The following PLCG2 variants were observed in gnomAD, a reference collection of about 807,000 sequenced individuals.
PLCG2 encodes the protein 1-phosphatidylinositol 4,5-bisphosphate phosphodiesterase gamma-2.
Under a neutral mutation model 175.6 loss-of-function variants are expected in PLCG2, and 69 were observed. The observed-to-expected ratio is 0.39, with a 90% CI of 0.32 to 0.48. PLCG2 has a LOEUF of 0.48. Ranked by LOEUF, PLCG2 falls within the 20% of genes least tolerant of loss-of-function variation. PLCG2 has a pLI of 0.91. For synonymous variants in PLCG2, 827 were observed against 624.0 expected, an observed-to-expected ratio of 1.33 and a Z score of -4.85; for missense variants, 1,798 against 1,650.9, an observed-to-expected ratio of 1.09 and a Z score of -1.54.
chr16:81,923,527 C>A lies in PLCG2; in HGVS notation c.2350C>A (p.Arg784=). ...VKALYDYKAK[R]SDELSFCRGA... ...AGCTCTGTATGACTACAAAGCCAAG[C>A]GAAGCGATGAGCTGAGCTTCTGCCG... The change falls in exon 22 of 33, where the codon CGA becomes AGA. Residue 784 remains arginine (R), a synonymous_variant. Transcript: ENST00000564138. 6.2e-7 allele frequency: 1 copy of A among 1,613,702 alleles called. No homozygotes were observed. Among genetic ancestry groups the A allele is most frequent in the African/African-American group, 1.3e-5 (1 of 75,024 alleles).
At chr16:81,950,789 T>C (rs961007791) in intron 31 of PLCG2, among the ~76,000 whole-genome samples, 1 of 152,324 alleles carries the variant, frequency 6.6e-6, no homozygotes, top group East Asian at 1.9e-4. Context: ...ATTTATGCCA[T>C]AGTTACATTT....
At chr16:81,740,723 TCAAAAAAAAAAAAAA>T (rs1567690151) in intron 1 of PLCG2, 1 of 12,848 alleles carries the variant, frequency 7.8e-5, no homozygotes, top group Admixed American at 1.4e-3. Flanking sequence ...AGACTCCATC[TCAAAAAAAAAAAAAA>T]AAAAAAAAAA....
At chr16:81,762,746 C>T (rs1597306073) in intron 2 of PLCG2, among the ~76,000 whole-genome samples, 1 of 152,112 alleles carries the variant, frequency 6.6e-6, no homozygotes, top group Admixed American at 6.6e-5. Flanking sequence ...CCCCCAAGTC[C>T]CCAAGGCTGG....
At position 81,870,790 on chromosome 16, in the gene PLCG2, GC is replaced by G; in HGVS notation, c.565-61del. ...TGAAACAAAAATTATTCTATAAATA[GC>G]ATGGAGCCATTCTTACGGTGGACAT... is the stretch of plus-strand genomic sequence containing the variant. On this transcript the variant is annotated intron_variant, in intron 6 of 32. Transcript: ENST00000564138. 5.9e-6 allele frequency: 5 copies of G among 852,554 alleles called. 1 individual carries two copies. The South Asian group carries it at 7.7e-5, about 13-fold the overall frequency. 52.8% of individuals were successfully genotyped at this position (852,554 alleles called of 1,614,324 possible). A position where few individuals can be genotyped will look rare whatever the true frequency, so the allele number is the denominator to read the frequency against.
intron 2 of PLCG2, among the ~76,000 whole-genome samples, chr16:81,845,650 GC>G (rs1172514014): frequency 6.6e-6 from 1 of 152,218 alleles, no homozygotes; most frequent in South Asian, 2.1e-4. Flanking sequence ...CAGAAAGGTG[GC>G]TTGAATGCAC....
At chr16:81,796,143 A>C (rs9940772) in intron 2 of PLCG2, among the ~76,000 whole-genome samples, 1 of 152,092 alleles carries the variant, frequency 6.6e-6, no homozygotes, top group Non-Finnish European at 1.5e-5. Context: ...GTGGTGAGCC[A>C]CTGGCACTGA....
intron 2 of PLCG2, among the ~76,000 whole-genome samples, chr16:81,794,340 C>T (rs1176801525): frequency 3.3e-5 from 5 of 152,152 alleles, no homozygotes; most frequent in African/African-American, 9.7e-5. Context: ...TGTGAAATTA[C>T]TATTAATAAT....
intron 1 of PLCG2, among the ~76,000 whole-genome samples, chr16:81,743,655 T>C (rs1378978733): frequency 1.3e-5 from 2 of 152,134 alleles, no homozygotes; most frequent in African/African-American, 2.4e-5. Context: ...CTCTTGTGGA[T>C]GTGAAGCCAG....
intron 17 of PLCG2, among the ~76,000 whole-genome samples, chr16:81,909,707 C>T (rs1174731325): frequency 6.6e-6 from 1 of 152,178 alleles, no homozygotes; most frequent in African/African-American, 2.4e-5. Flanking sequence ...AGCCATTGCA[C>T]CTGGCTGAAA....
At chr16:81,896,705 G>A (rs1450424618) in intron 13 of PLCG2, among the ~76,000 whole-genome samples, 3 of 152,312 alleles carry the variant, frequency 2.0e-5, no homozygotes, top group East Asian at 1.9e-4. Flanking sequence ...TTCTACAGGC[G>A]GAATCCAAGC....
At chr16:81,764,979 C>T (rs965769272) in intron 2 of PLCG2, among the ~76,000 whole-genome samples, 1 of 152,084 alleles carries the variant, frequency 6.6e-6, no homozygotes, top group Admixed American at 6.6e-5. Context: ...GTCCCAGCTA[C>T]TCGGGAGGCT....
intron 12 of PLCG2, chr16:81,895,573 A>AAT: frequency 2.2e-6 from 1 of 454,670 alleles, no homozygotes; most frequent in Non-Finnish European, 3.9e-6. Context: ...AAAAAAAAAA[A>AAT]TGAAAAAAAA....
chr16:81,876,509 G>A (rs951553421), intron 7 of PLCG2, among the ~76,000 whole-genome samples: 3 of 152,208 alleles, frequency 2.0e-5, no homozygotes, highest in Middle Eastern at 3.4e-3. Context: ...TGTGACCCCC[G>A]CCTCTGGCAT....
intron 2 of PLCG2, among the ~76,000 whole-genome samples, chr16:81,761,437 A>C (rs1440103187): frequency 2.0e-5 from 3 of 152,200 alleles, no homozygotes; most frequent in African/African-American, 7.2e-5. Flanking sequence ...AATTCTTCTG[A>C]TTATAACACA....
At chr16:81,912,979 G>T (rs1282806519) in intron 19 of PLCG2, among the ~76,000 whole-genome samples, 1 of 152,236 alleles carries the variant, frequency 6.6e-6, no homozygotes, top group Non-Finnish European at 1.5e-5. Context: ...ACATGACCAT[G>T]ATCCGTGTTT....
At chr16:81,953,292 T>C (rs1911440198) in intron 31 of PLCG2, among the ~76,000 whole-genome samples, 1 of 152,052 alleles carries the variant, frequency 6.6e-6, no homozygotes, top group Non-Finnish European at 1.5e-5. Flanking sequence ...GATCTGTAGT[T>C]TTAGTATTGC....
intron 1 of PLCG2, among the ~76,000 whole-genome samples, chr16:81,746,686 G>A (rs1337492601): frequency 6.6e-6 from 1 of 152,218 alleles, no homozygotes; most frequent in Non-Finnish European, 1.5e-5. Flanking sequence ...CGTCGAACTT[G>A]AGTAAACAGG....
At chr16:81,861,777 A>G (rs974828790) in intron 5 of PLCG2, among the ~76,000 whole-genome samples, 2 of 152,134 alleles carry the variant, frequency 1.3e-5, no homozygotes, top group South Asian at 2.1e-4. Context: ...CTGGTATGGT[A>G]TGGCCAATCT....
rs750008668 is a variant in PLCG2 at position 81,955,372 on chromosome 16, G to A, written c.3571-1323G>A. 4.6e-5 allele frequency among the ~76,000 whole-genome samples: 7 copies of A among 152,126 alleles called. No homozygotes were observed. The East Asian group carries it at 7.7e-4, about 17-fold the overall frequency. On this transcript the variant is annotated intron_variant, in intron 31 of 32. Coordinates refer to ENST00000564138, the MANE Select transcript of PLCG2 (RefSeq NM_002661.5). ...AGGAGTCTTTCACTTGAACTCCATC[G>A]GGAAAGGCCAATTGACTTGACCCTC...
Sources: gnomAD v4.1 joint callset for allele counts (sites outside exome capture counted in the v4.1 genomes callset) on GRCh38, gnomAD v4.1.1 for gene constraint, MANE v1.5 for transcripts, NCBI Gene and HGNC (gene_info 2026-07-23, HGNC 2026-07-21) for gene names.